ABCC4: variants seen among roughly 807,000 people sequenced by gnomAD.
ABCC4 encodes ATP-binding cassette sub-family C member 4.
A neutral mutation model predicts 168.5 loss-of-function variants in ABCC4; 102 were observed. That is an observed-to-expected ratio of 0.61 (90% CI 0.52 to 0.71). The LOEUF is 0.71. Among genes scored for constraint, ABCC4 ranks in the 30% least tolerant of loss-of-function variants. The pLI, the probability that ABCC4 is intolerant of heterozygous loss-of-function variation, is 0.00. For synonymous variants in ABCC4, 617 were observed against 590.7 expected, an observed-to-expected ratio of 1.04 and a Z score of -0.65; for missense variants, 1,402 against 1,605.8, an observed-to-expected ratio of 0.87 and a Z score of 2.17.
intron 30 of ABCC4, among the ~76,000 whole-genome samples, chr13:95,029,603 G>A (rs2031770178): frequency 6.6e-6 from 1 of 152,078 alleles, no homozygotes; most frequent in African/African-American, 2.4e-5. Flanking sequence ...CATTTGGTAA[G>A]CTGATTCTTA....
intron 4 of ABCC4, among the ~76,000 whole-genome samples, chr13:95,231,287 T>C (rs906950185): frequency 6.6e-6 from 1 of 152,238 alleles, no homozygotes; most frequent in East Asian, 1.9e-4. Flanking sequence ...TGGTAAATTT[T>C]ATGTTATGCA....
chr13:95,150,263 C>G (rs2036630565), intron 19 of ABCC4, among the ~76,000 whole-genome samples: 1 of 152,200 alleles, frequency 6.6e-6, no homozygotes, highest in African/African-American at 2.4e-5. Context: ...CCATGCCTGG[C>G]GAGCATGACT....
chr13:95,174,451 T>C lies in ABCC4; in HGVS notation c.1727+3256A>G, dbSNP rs553586858. On this transcript the variant is annotated intron_variant, in intron 13 of 30. Transcript: ENST00000645237. ...AGTTGCTGCTGAGTGATTTCCTAAA[T>C]TGCATTCGTGCTCCCTGCCCTAAGT... is the stretch of plus-strand genomic sequence containing the variant. 4.6e-5 allele frequency among the ~76,000 whole-genome samples: 7 copies of C among 152,338 alleles called. No individual in the cohort carries two copies. In the East Asian group the frequency reaches 9.6e-4, roughly 21 times the overall value.
intron 25 of ABCC4, among the ~76,000 whole-genome samples, chr13:95,067,962 G>C (rs550590753): frequency 6.6e-6 from 1 of 152,154 alleles, no homozygotes; most frequent in South Asian, 2.1e-4. Context: ...GGCTAGGGTG[G>C]TATATACCTC....
Position 95,064,294 on chromosome 13 carries a change from A to G in ABCC4, c.3211-1435T>C, listed in dbSNP as rs577462209. On this transcript the variant is annotated intron_variant, in intron 25 of 30. Coordinates refer to ENST00000645237, the MANE Select transcript of ABCC4 (RefSeq NM_005845.5). ...TATATATATATATATATATATATAT[A>G]TATACACACACACACACCAATTGAA... 1.6e-4 allele frequency among the ~76,000 whole-genome samples: 18 copies of G among 111,948 alleles called. No homozygotes were observed. In the South Asian group the frequency reaches 4.3e-3, roughly 26 times the overall value. 73.4% of individuals were successfully genotyped at this position (111,948 alleles called of 152,430 possible).
intron 1 of ABCC4, among the ~76,000 whole-genome samples, chr13:95,271,957 G>A (rs1174120121): frequency 2.0e-5 from 3 of 152,092 alleles, no homozygotes; most frequent in Non-Finnish European, 2.9e-5. Context: ...CTAAATTATT[G>A]AATATACACA....
chr13:95,140,898 A>C (rs1594168802), intron 19 of ABCC4, among the ~76,000 whole-genome samples: 1 of 152,222 alleles, frequency 6.6e-6, no homozygotes, highest in South Asian at 2.1e-4. Flanking sequence ...CAAGCTTTTC[A>C]TGCCTATTAT....
intron 25 of ABCC4, among the ~76,000 whole-genome samples, chr13:95,068,047 T>C (rs1046375290): frequency 1.3e-5 from 2 of 152,256 alleles, no homozygotes; most frequent in Non-Finnish European, 2.9e-5. Flanking sequence ...TACTTTTTCC[T>C]ATTTGTTATA....
At chr13:95,264,391 C>T (rs1228174199) in intron 1 of ABCC4, among the ~76,000 whole-genome samples, 1 of 152,092 alleles carries the variant, frequency 6.6e-6, no homozygotes, top group Non-Finnish European at 1.5e-5. Flanking sequence ...AAACACTTAC[C>T]TAAAAGCATA....
intron 30 of ABCC4, among the ~76,000 whole-genome samples, chr13:95,028,514 T>C (rs192860140): frequency 3.9e-4 from 59 of 152,184 alleles, no homozygotes; most frequent in Non-Finnish European, 7.2e-4. Flanking sequence ...CAATAATTTC[T>C]GGGCCAGAGA....
chr13:95,166,461 A>C (rs2037275144), intron 14 of ABCC4, 94 bp from the exon 15 acceptor site: 1 of 1,076,290 alleles, frequency 9.3e-7, no homozygotes, highest in Non-Finnish European at 1.3e-6. Context: ...ACTGATCTTA[A>C]GTTATGATTA....
At chr13:95,045,324 T>C (rs2032530900) in intron 27 of ABCC4, among the ~76,000 whole-genome samples, 1 of 152,186 alleles carries the variant, frequency 6.6e-6, no homozygotes, top group African/African-American at 2.4e-5. Context: ...TTATAGGCAC[T>C]TTACCATTTT....
intron 21 of ABCC4, among the ~76,000 whole-genome samples, chr13:95,077,484 G>A (rs1206087375): frequency 6.6e-6 from 1 of 152,080 alleles, no homozygotes; most frequent in African/African-American, 2.4e-5. Context: ...AACTACAGGT[G>A]TGCCACCACA....
intron 27 of ABCC4, among the ~76,000 whole-genome samples, chr13:95,046,412 A>C (rs1438877357): frequency 6.6e-6 from 1 of 152,208 alleles, no homozygotes; most frequent in Non-Finnish European, 1.5e-5. Flanking sequence ...CATTTCCCAG[A>C]TAACAGTGTC....
rs182231791 is a variant in ABCC4 at position 95,134,859 on chromosome 13, G to A, written c.2456-18858C>T. On this transcript the variant is annotated intron_variant, in intron 19 of 30. Transcript: ENST00000645237. Reference sequence around the variant, plus strand: ...AATGCCCAGAGGATCACCAAGCAGCGATGACACCCAGGAGCTTGGGGCCTC... The same window carrying A: ...AATGCCCAGAGGATCACCAAGCAGCAATGACACCCAGGAGCTTGGGGCCTC... 2.4e-4 allele frequency among the ~76,000 whole-genome samples: 36 copies of A among 152,190 alleles called. No homozygotes were observed. The East Asian group carries it at 2.9e-3, about 12-fold the overall frequency.
intron 1 of ABCC4, among the ~76,000 whole-genome samples, chr13:95,282,469 CAT>C (rs2041149541): frequency 6.6e-6 from 1 of 152,214 alleles, no homozygotes; most frequent in African/African-American, 2.4e-5. Context: ...CAGTGTGTCA[CAT>C]GTTTCCTAAG....
At chr13:95,271,551 AC>A (rs754637829) in intron 1 of ABCC4, among the ~76,000 whole-genome samples, 7 of 152,184 alleles carry the variant, frequency 4.6e-5, no homozygotes, top group Non-Finnish European at 8.8e-5. Flanking sequence ...TATTTGCGTT[AC>A]CTCAGCCCTC....
chr13:95,231,865 A>C (rs1594345193), intron 4 of ABCC4, among the ~76,000 whole-genome samples: 1 of 152,224 alleles, frequency 6.6e-6, no homozygotes, highest in East Asian at 1.9e-4. Flanking sequence ...AAAGAGGAAG[A>C]AAAACAGGTG....
chr13:95,274,027 C>T (rs767369188), intron 1 of ABCC4, among the ~76,000 whole-genome samples: 4 of 152,108 alleles, frequency 2.6e-5, no homozygotes, highest in Admixed American at 1.3e-4. Flanking sequence ...ATTGTGAGGT[C>T]TCCCCAGCCA....
Sources: gnomAD v4.1 joint callset for allele counts (sites outside exome capture counted in the v4.1 genomes callset) on GRCh38, gnomAD v4.1.1 for gene constraint, MANE v1.5 for transcripts, NCBI Gene and HGNC (gene_info 2026-07-23, HGNC 2026-07-21) for gene names.